Variants in HMCN1 observed in about 807,000 individuals in gnomAD.
HMCN1 encodes hemicentin-1.
A neutral mutation model predicts 625.9 loss-of-function variants in HMCN1; 321 were observed. The observed-to-expected ratio is 0.51, with a 90% CI of 0.47 to 0.56. The LOEUF is 0.56. HMCN1 is among the 20% of genes least tolerant of loss of function. The pLI is 0.00. For synonymous variants in HMCN1, 2,425 were observed against 2,417.6 expected, an observed-to-expected ratio of 1.00 and a Z score of -0.09; for missense variants, 6,588 against 6,887.3, an observed-to-expected ratio of 0.96 and a Z score of 1.54.
chr1:185,739,512 G>C (rs182679832), intron 1 of HMCN1, among the ~76,000 whole-genome samples: 51 of 152,242 alleles, frequency 3.3e-4, no homozygotes, highest in African/African-American at 1.1e-3. Flanking sequence ...GGAGGAGAGG[G>C]AGCAGGACAG....
intron 4 of HMCN1, among the ~76,000 whole-genome samples, chr1:185,892,081 C>T (rs1039654671): frequency 6.6e-6 from 1 of 150,630 alleles, no homozygotes; most frequent in Non-Finnish European, 1.5e-5. Context: ...TCGCTGTTAC[C>T]CTTTCTTCCA....
At chr1:185,810,910 T>C (rs571980404) in intron 1 of HMCN1, among the ~76,000 whole-genome samples, 3 of 152,296 alleles carry the variant, frequency 2.0e-5, no homozygotes, top group Non-Finnish European at 2.9e-5. Flanking sequence ...ATGGAAAACA[T>C]TTGGCATTCT....
intron 22 of HMCN1, 107 bp from the exon 23 acceptor site, chr1:185,993,075 T>A: frequency 9.1e-7 from 1 of 1,103,450 alleles, no homozygotes; most frequent in East Asian, 2.4e-5. Flanking sequence ...GGGAAAATGG[T>A]TTAAAAAACT....
Position 186,053,873 on chromosome 1 carries a change from G to C in HMCN1, c.6749G>C (p.Gly2250Ala), listed in dbSNP as rs1158348895. The change falls in exon 44 of 107, where the codon GGG becomes GCG. Residue 2250 changes from glycine (G) to alanine (A), a missense_variant. Gly to Ala is a moderately conservative substitution (Grantham distance 60). Transcript: ENST00000271588. Reference sequence around the variant, plus strand: ...ATGGGGCGAGTTAGAATTTTATCTGGGGGCAGGCAATTACAAATTTCAATT... The same window carrying C: ...ATGGGGCGAGTTAGAATTTTATCTGCGGGCAGGCAATTACAAATTTCAATT... The part of the protein sequence containing the change: ...DSMGRVRILS[G>A]GRQLQISIAE... The C allele has an allele frequency of 6.2e-7, 1 of 1,612,590 alleles. No homozygotes were observed. The highest frequency in any genetic ancestry group is 8.5e-7 in the Non-Finnish European group (1 of 1,179,214).
intron 48 of HMCN1, among the ~76,000 whole-genome samples, chr1:186,063,514 G>T (rs1657912800): frequency 7.6e-6 from 1 of 131,484 alleles, no homozygotes; most frequent in Admixed American, 7.9e-5. Flanking sequence ...AGGAAGGAAG[G>T]GAGTCTTTTC....
At chr1:185,843,683 G>C (rs1661633101) in intron 1 of HMCN1, among the ~76,000 whole-genome samples, 1 of 152,184 alleles carries the variant, frequency 6.6e-6, no homozygotes, top group African/African-American at 2.4e-5. Context: ...AATTGGAAAA[G>C]ATGCTTACAG....
chr1:185,921,995 A>G (rs1667027432), intron 6 of HMCN1, among the ~76,000 whole-genome samples: 2 of 152,180 alleles, frequency 1.3e-5, no homozygotes. Flanking sequence ...TTGAACCTGG[A>G]TGTATTTGTG....
chr1:185,790,044 C>CA (rs1226266577), intron 1 of HMCN1, among the ~76,000 whole-genome samples: 11 of 152,202 alleles, frequency 7.2e-5, no homozygotes, highest in African/African-American at 2.4e-4. Context: ...CTGTCACTTG[C>CA]AAACAGTCTG....
intron 13 of HMCN1, among the ~76,000 whole-genome samples, chr1:185,964,865 G>A (rs994960057): frequency 6.6e-6 from 1 of 152,082 alleles, no homozygotes; most frequent in Non-Finnish European, 1.5e-5. Flanking sequence ...AAGAAGACAG[G>A]AGAGTAAAAG....
intron 78 of HMCN1, 80 bp downstream of exon 78, chr1:186,119,378 G>A (rs1272031306): frequency 3.9e-6 from 4 of 1,023,032 alleles, no homozygotes; most frequent in Non-Finnish European, 6.2e-6. Flanking sequence ...AAAGGTGGTA[G>A]GTACTGTCGA....
chr1:186,006,911 G>C (rs1296089917), intron 29 of HMCN1, among the ~76,000 whole-genome samples: 1 of 151,866 alleles, frequency 6.6e-6, no homozygotes, highest in Non-Finnish European at 1.5e-5. Context: ...GTTTGAAATG[G>C]AGGAACTTTT....
At chr1:185,861,765 T>C (rs1041617095) in intron 2 of HMCN1, among the ~76,000 whole-genome samples, 5 of 152,172 alleles carry the variant, frequency 3.3e-5, no homozygotes, top group African/African-American at 9.7e-5. Flanking sequence ...AGAATACATC[T>C]GAAGAGTGAG....
intron 4 of HMCN1, among the ~76,000 whole-genome samples, chr1:185,873,523 A>C (rs1054941872): frequency 3.3e-5 from 5 of 152,132 alleles, no homozygotes; most frequent in Non-Finnish European, 7.4e-5. Flanking sequence ...ACATGCAAAA[A>C]ATCAGCAATG....
intron 1 of HMCN1, among the ~76,000 whole-genome samples, chr1:185,751,335 T>A (rs1370317450): frequency 6.6e-6 from 1 of 152,148 alleles, no homozygotes; most frequent in East Asian, 1.9e-4. Flanking sequence ...AGCATTTTAT[T>A]GTTTTCTGAC....
chr1:186,162,042 A>G (rs1651526200), intron 97 of HMCN1, among the ~76,000 whole-genome samples: 1 of 152,184 alleles, frequency 6.6e-6, no homozygotes, highest in Non-Finnish European at 1.5e-5. Flanking sequence ...TCTCCCCATC[A>G]CTTTCAGGTA....
intron 1 of HMCN1, among the ~76,000 whole-genome samples, chr1:185,842,029 C>G (rs760874871): frequency 5.9e-5 from 9 of 152,166 alleles, no homozygotes; most frequent in Admixed American, 1.3e-4. Context: ...CTTTCACATA[C>G]TTTTTGAAAT....
At chr1:185,787,141 A>ATGTGTGTGTGTGTGTG (rs375544191) in intron 1 of HMCN1, among the ~76,000 whole-genome samples, 1 of 141,252 alleles carries the variant, frequency 7.1e-6, no homozygotes, top group African/African-American at 2.6e-5. Context: ...GCCATGATGT[A>ATGTGTGTGTGTGTGTG]TGTGTGTGTG....
In HMCN1 at chr1:186,172,077, T is replaced by A. The variant is rs759148029; in HGVS notation, c.15760T>A (p.Cys5254Ser). 4 of 1,613,894 alleles carry A rather than the reference T, an allele frequency of 2.5e-6. No individual in the cohort carries two copies. Among genetic ancestry groups the A allele is most frequent in the East Asian group, 2.2e-5 (1 of 44,876 alleles). Residue 5254 changes from cysteine (C) to serine (S), a missense_variant, in exon 102 of 107, where the codon TGC becomes AGC. Physicochemically the swap from Cys to Ser is moderately radical, Grantham distance 112. Around this residue, in one of 3 missense-constraint regions of HMCN1, gnomAD observed 1,954 missense variants for 2,013.1 expected, o/e 0.97. Coordinates refer to ENST00000271588, the MANE Select transcript of HMCN1 (RefSeq NM_031935.3). ...HCKNTRGGYK[C>S]IDLCPNGMTK... The stretch of plus-strand genomic sequence containing the variant: ...TAAGAACACCCGTGGTGGCTATAAG[T>A]GCATTGATCTTTGTCCAAATGGAAT...
rs1016398689 is a variant in HMCN1 at position 186,163,477 on chromosome 1, A to T, written c.15257-1634A>T. Reference sequence around the variant, plus strand: ...GAACCCAGTACCTCAGATGGAAATGAGGAAATCACCCGTCTTCTGCCTTGC... The same window carrying T: ...GAACCCAGTACCTCAGATGGAAATGTGGAAATCACCCGTCTTCTGCCTTGC... On this transcript the variant is annotated intron_variant, in intron 97 of 106. Transcript: ENST00000271588. Among the ~76,000 whole-genome samples the T allele has an allele frequency of 2.2e-4, 33 of 152,134 alleles. 1 individual carries two copies. Among genetic ancestry groups the T allele is most frequent in the African/African-American group, 7.7e-4 (32 of 41,426 alleles).
Sources: allele counts gnomAD v4.1 joint callset (sites outside exome capture counted in the v4.1 genomes callset), GRCh38; gene constraint gnomAD v4.1.1; regional missense constraint gnomAD v4.1.1; transcripts MANE v1.5; gene names NCBI Gene and HGNC (gene_info 2026-07-23, HGNC 2026-07-21).